The following FAAH2 variants were observed in gnomAD, a reference collection of about 807,000 sequenced individuals.
FAAH2 encodes the protein fatty-acid amide hydrolase 2.
Under a neutral mutation model 36.9 loss-of-function variants are expected in FAAH2, and 60 were observed. That is an observed-to-expected ratio of 1.63 (90% CI 1.32 to 2.02). The LOEUF (loss-of-function observed/expected upper bound fraction) is 2.02, where lower values mean the gene tolerates loss of function less well. Among genes scored for constraint, FAAH2 ranks in the 30% most tolerant of loss-of-function variants. The pLI, the probability that FAAH2 is intolerant of heterozygous loss-of-function variation, is 0.00. For missense variants in FAAH2, 689 were observed against 397.5 expected, an observed-to-expected ratio of 1.73 and a Z score of -6.23; for synonymous variants, 214 against 143.8, an observed-to-expected ratio of 1.49 and a Z score of -3.49.
intron 2 of FAAH2, among the ~76,000 whole-genome samples, chrX:57,296,119 C>T (rs898657313): frequency 1.8e-5 from 2 of 112,240 alleles, no homozygotes; most frequent in African/African-American, 3.2e-5. Context: ...TCTCCCAGCA[C>T]GCAGCTTGAG....
intron 2 of FAAH2, among the ~76,000 whole-genome samples, chrX:57,307,047 C>T (rs575816970): frequency 7.6e-4 from 42 of 55,124 alleles, no homozygotes; most frequent in South Asian, 6.3e-3. Flanking sequence ...CGCTGGCCCA[C>T]CAATAGGGTT....
At chrX:57,252,312 C>A in the FAAH2 span, among the ~76,000 whole-genome samples, 19 of 112,722 alleles carry the variant, frequency 1.7e-4, no homozygotes, top group South Asian at 6.9e-3. Context: ...GGGGAGAGGG[C>A]ATATCTGAAC....
intron 7 of FAAH2, among the ~76,000 whole-genome samples, chrX:57,386,145 A>G (rs943123800): frequency 1.8e-5 from 2 of 111,550 alleles, no homozygotes; most frequent in South Asian, 7.4e-4. Context: ...GTGTATTAAG[A>G]TAGCTTCACA....
intron 10 of FAAH2, among the ~76,000 whole-genome samples, chrX:57,480,766 G>A (rs1211679368): frequency 3.6e-5 from 4 of 110,917 alleles, no homozygotes; most frequent in African/African-American, 1.3e-4. Context: ...TGTATTTCCT[G>A]AATTTGAATG....
At chrX:57,279,787 A>C in the FAAH2 span, among the ~76,000 whole-genome samples, 1 of 111,843 alleles carries the variant, frequency 8.9e-6, no homozygotes, top group Admixed American at 9.5e-5. Context: ...CAGTACAATT[A>C]AACATTCCTT....
the FAAH2 span, among the ~76,000 whole-genome samples, chrX:57,183,107 A>C: frequency 1.3e-4 from 15 of 111,162 alleles, no homozygotes; most frequent in African/African-American, 4.9e-4. Context: ...ATAACTTTTG[A>C]GTTACAAGGC....
At chrX:57,280,987 C>A in the FAAH2 span, among the ~76,000 whole-genome samples, 1 of 112,040 alleles carries the variant, frequency 8.9e-6, no homozygotes, top group East Asian at 2.8e-4. Context: ...TACAATACTG[C>A]ACGATTTGTT....
the FAAH2 span, chrX:57,137,264 A>C: frequency 3.1e-4 from 234 of 760,322 alleles, 1 homozygote; most frequent in South Asian, 3.9e-3. Context: ...GGATACCTCG[A>C]TGCTGCCTCT....
the FAAH2 span, among the ~76,000 whole-genome samples, chrX:57,266,575 C>T: frequency 4.4e-5 from 5 of 112,392 alleles, no homozygotes; most frequent in Non-Finnish European, 7.5e-5. Context: ...AGAGCAAAGA[C>T]CTTAAGTGCC....
rs778115659 is a variant in FAAH2 at position 57,309,879 on chromosome X, G to A, written c.276-714G>A. Among the ~76,000 whole-genome samples, 135 of 111,682 alleles carry A rather than the reference G, an allele frequency of 1.2e-3. 1 individual carries two copies. Among genetic ancestry groups the A allele is most frequent in the African/African-American group, 3.1e-3 (94 of 30,760 alleles). ...TGTGTTTACTATTGTAAATAGTGGC[G>A]CAATGAACATATGTGTGCATGTATC... On this transcript the variant is annotated intron_variant, in intron 2 of 10. Coordinates refer to ENST00000374900, the MANE Select transcript of FAAH2 (RefSeq NM_174912.4).
At chrX:57,469,711 A>G (rs1276291922) in intron 10 of FAAH2, among the ~76,000 whole-genome samples, 1 of 111,455 alleles carries the variant, frequency 9.0e-6, no homozygotes, top group Non-Finnish European at 1.9e-5. Context: ...GTTAACAAGG[A>G]TATCCAGTAA....
At chrX:57,368,049 A>G (rs947445861) in intron 5 of FAAH2, among the ~76,000 whole-genome samples, 2 of 111,268 alleles carry the variant, frequency 1.8e-5, no homozygotes, top group Non-Finnish European at 3.8e-5. Context: ...CATACCTAGT[A>G]GTACACCATT....
At chrX:57,445,531 G>A (rs952573378) in intron 8 of FAAH2, among the ~76,000 whole-genome samples, 5 of 111,569 alleles carry the variant, frequency 4.5e-5, no homozygotes, top group East Asian at 2.8e-4. Context: ...GTGCTCTTGA[G>A]TCAGAAGTTT....
intron 2 of FAAH2, among the ~76,000 whole-genome samples, chrX:57,299,346 G>A (rs1032902004): frequency 2.7e-5 from 3 of 111,795 alleles, no homozygotes; most frequent in Non-Finnish European, 5.6e-5. Context: ...CAGAACCAAA[G>A]ACAAAAACCA....
At chrX:57,392,729 C>T (rs1016807419) in intron 7 of FAAH2, 3 of 610,023 alleles carry the variant, frequency 4.9e-6, no homozygotes, top group Non-Finnish European at 8.6e-6. Flanking sequence ...TTGTGCTCAT[C>T]GTTCCTACTA....
intron 2 of FAAH2, among the ~76,000 whole-genome samples, chrX:57,295,992 GGCCT>G (rs758100361): frequency 4.8e-3 from 537 of 112,513 alleles, no homozygotes; most frequent in Non-Finnish European, 7.5e-3. Flanking sequence ...AGCTCAAGGA[GGCCT>G]GCCTGCCTCT....
At chrX:57,471,150 G>A in intron 10 of FAAH2, among the ~76,000 whole-genome samples, 1 of 111,623 alleles carries the variant, frequency 9.0e-6, no homozygotes, top group Non-Finnish European at 1.9e-5. Flanking sequence ...TACTGAATGA[G>A]AAAAAACTGG....
chrX:57,190,005 C>A, the FAAH2 span, among the ~76,000 whole-genome samples: 2 of 112,101 alleles, frequency 1.8e-5, no homozygotes, highest in Non-Finnish European at 3.8e-5. Flanking sequence ...GCGCCCACAG[C>A]TGCCCCTTTC....
chrX:57,275,358 A>C, the FAAH2 span, among the ~76,000 whole-genome samples: 2 of 112,530 alleles, frequency 1.8e-5, no homozygotes, highest in Non-Finnish European at 3.8e-5. Flanking sequence ...GCCTGAGCCA[A>C]GGCTAAGACT....
Sources: allele counts gnomAD v4.1 joint callset (sites outside exome capture counted in the v4.1 genomes callset), GRCh38; gene constraint gnomAD v4.1.1; transcripts MANE v1.5; gene names NCBI Gene and HGNC (gene_info 2026-07-23, HGNC 2026-07-21).